FAT3: variants seen among roughly 807,000 people sequenced by gnomAD.
The protein encoded by FAT3 is FAT atypical cadherin 3.
FAT3 carries 95 observed loss-of-function variants against 310.2 expected under a neutral mutation model. The ratio of observed to expected loss-of-function variants is 0.31; its 90% CI spans 0.26 to 0.36. The LOEUF (loss-of-function observed/expected upper bound fraction) is 0.36. FAT3 is among the 10% of genes least tolerant of loss of function. The probability of loss-of-function intolerance (pLI) is 1.00; values close to 1 mark genes in which losing one functional copy is unlikely to be tolerated. For synonymous variants in FAT3, 2,314 were observed against 2,192.9 expected (o/e 1.06, Z -1.54); for missense variants, 5,408 against 5,715.6 (o/e 0.95, Z 1.74).
In FAT3 at chr11:92,790,127, G is replaced by A. The variant is rs1946999727; in HGVS notation, c.4520G>A (p.Arg1507Lys). The change falls in exon 8 of 28, where the codon AGA becomes AAA. Residue 1507 changes from arginine to lysine, a missense_variant. Arg to Lys is a conservative substitution (Grantham distance 26). Around this residue, in one of 5 missense-constraint regions of FAT3, gnomAD observed 4,588 missense variants for 4,809.8 expected, o/e 0.95. Transcript: ENST00000525166. ...AGCAGCATCGACTCCATCAGCATGA[G>A]AAAATTCCGGATTGACCCTAGCACT... ...VHSSIDSISM[R>K]KFRIDPSTGV... 1 of 1,613,668 alleles carries A rather than the reference G, an allele frequency of 6.2e-7. No individual in the cohort carries two copies. Among genetic ancestry groups the A allele is most frequent in the Non-Finnish European group, 8.5e-7 (1 of 1,179,738 alleles).
intron 13 of FAT3, among the ~76,000 whole-genome samples, chr11:92,824,438 A>AT (rs1210162074): frequency 6.6e-6 from 1 of 152,174 alleles, no homozygotes; most frequent in Non-Finnish European, 1.5e-5. Flanking sequence ...GACAAAAGTG[A>AT]TTTTCTAAGT....
chr11:92,795,881 C>T (rs1947157734), intron 9 of FAT3, among the ~76,000 whole-genome samples: 1 of 152,044 alleles, frequency 6.6e-6, no homozygotes, highest in Non-Finnish European at 1.5e-5. Context: ...GCACTCCAGC[C>T]TGGATGACAG....
chr11:92,662,078 C>G (rs1192433870), intron 3 of FAT3, among the ~76,000 whole-genome samples: 1 of 152,036 alleles, frequency 6.6e-6, no homozygotes, highest in African/African-American at 2.4e-5. Flanking sequence ...ATTAACATAC[C>G]AGACCAGACC....
rs2136447626 is a variant in FAT3, at chr11:92,890,862, G to A, written c.13519G>A (p.Gly4507Ser). The part of the protein sequence containing the change: ...HPFPNETDLV[G>S]PPASCEFSTF... The stretch of plus-strand genomic sequence containing the variant: ...ATTCCCCAACGAAACGGATTTGGTG[G>A]GCCCGCCTGCCAGCTGTGAATTTAG... The change falls in exon 28 of 28, where the codon GGC (glycine) becomes AGC (serine). Residue 4507 changes from glycine (G) to serine (S), a missense_variant. Gly to Ser is a moderately conservative substitution (Grantham distance 56). This residue lies in a region of FAT3 where 649 missense variants were observed against 666.2 expected (regional missense o/e 0.97). Transcript: ENST00000525166. The A allele has an allele frequency of 1.2e-6, 2 of 1,613,946 alleles. No individual in the cohort carries two copies. The highest frequency in any genetic ancestry group is 1.1e-5 in the South Asian group (1 of 91,074).
intron 1 of FAT3, among the ~76,000 whole-genome samples, chr11:92,272,806 C>T (rs781234281): frequency 6.6e-6 from 1 of 152,010 alleles, no homozygotes; most frequent in Non-Finnish European, 1.5e-5. Context: ...GGAAGTATTG[C>T]CAAGGAAGCT....
intron 18 of FAT3, among the ~76,000 whole-genome samples, chr11:92,841,265 T>C (rs766988454): frequency 6.6e-6 from 1 of 152,114 alleles, no homozygotes; most frequent in African/African-American, 2.4e-5. Context: ...GTGGCAGGTA[T>C]GCAGAGTATA....
intron 5 of FAT3, among the ~76,000 whole-genome samples, chr11:92,764,102 G>T (rs1946237835): frequency 6.6e-6 from 1 of 151,890 alleles, no homozygotes; most frequent in Non-Finnish European, 1.5e-5. Context: ...TGAGTCCAGG[G>T]TTCACCTGGA....
intron 3 of FAT3, among the ~76,000 whole-genome samples, chr11:92,536,735 TC>T (rs1015677368): frequency 2.4e-4 from 36 of 152,166 alleles, no homozygotes; most frequent in African/African-American, 7.5e-4. Flanking sequence ...AAGATTGTGA[TC>T]ATCTGTTGAT....
chr11:92,749,610 T>C (rs1945774123), intron 4 of FAT3, among the ~76,000 whole-genome samples: 1 of 152,164 alleles, frequency 6.6e-6, no homozygotes, highest in Non-Finnish European at 1.5e-5. Context: ...ATCCTGGGGT[T>C]CTTTGGGACA....
intron 3 of FAT3, among the ~76,000 whole-genome samples, chr11:92,641,695 A>C (rs1190483583): frequency 6.6e-6 from 1 of 152,212 alleles, no homozygotes; most frequent in Admixed American, 6.5e-5. Context: ...CTTTAACCTA[A>C]TTATATCTAC....
chr11:92,542,487 A>G (rs1954484468), intron 3 of FAT3, among the ~76,000 whole-genome samples: 1 of 150,256 alleles, frequency 6.7e-6, no homozygotes, highest in Admixed American at 6.7e-5. Context: ...TTCAACAGCA[A>G]AAAAAAAAGA....
At chr11:92,705,572 G>A (rs879063047) in intron 4 of FAT3, among the ~76,000 whole-genome samples, 7 of 7,852 alleles carry the variant, frequency 8.9e-4, no homozygotes, top group South Asian at 5.3e-3. Flanking sequence ...GGTGGTGGTG[G>A]TGGTGATGGT....
intron 3 of FAT3, among the ~76,000 whole-genome samples, chr11:92,599,705 T>G (rs924349799): frequency 1.3e-5 from 2 of 152,316 alleles, no homozygotes; most frequent in East Asian, 3.9e-4. Context: ...AATAGTTTCA[T>G]CAGTAAAAAT....
At chr11:92,754,627 CAA>C (rs71064722) in intron 4 of FAT3, among the ~76,000 whole-genome samples, 1,051 of 32,696 alleles carry the variant, frequency 0.032, 31 homozygotes, top group Middle Eastern at 0.11. Context: ...GACTCTGCCT[CAA>C]AAAAAAAAAA....
Position 92,805,311 on chromosome 11 carries a change from G to C in FAT3, c.9055G>C (p.Val3019Leu), listed in dbSNP as rs200527898. The C allele has an allele frequency of 1.2e-6, 2 of 1,613,686 alleles. No individual in the cohort carries two copies. Among genetic ancestry groups the C allele is most frequent in the South Asian group, 1.1e-5 (1 of 91,018 alleles). ...FVTQAMVEVS[V>L]SDVNDNSPVC... Reference sequence around the variant, plus strand: ...CACACAGGCCATGGTGGAAGTGAGCGTCAGTGATGTGAATGACAATAGCCC... The same window carrying C: ...CACACAGGCCATGGTGGAAGTGAGCCTCAGTGATGTGAATGACAATAGCCC... The change falls in exon 11 of 28, where the codon GTC becomes CTC. Residue 3019 changes from valine to leucine, a missense_variant. Around this residue, in one of 5 missense-constraint regions of FAT3, gnomAD observed 4,588 missense variants for 4,809.8 expected, o/e 0.95. Transcript: ENST00000525166.
chr11:92,580,565 C>A (rs757792316), intron 3 of FAT3, among the ~76,000 whole-genome samples: 3 of 152,002 alleles, frequency 2.0e-5, no homozygotes, highest in African/African-American at 4.8e-5. Flanking sequence ...ATCTTTAATC[C>A]TTCTCCTTTT....
intron 3 of FAT3, among the ~76,000 whole-genome samples, chr11:92,597,409 C>T (rs759388680): frequency 1.2e-4 from 18 of 152,166 alleles, no homozygotes; most frequent in Non-Finnish European, 2.5e-4. Flanking sequence ...AACCAATGAA[C>T]GGACAGTCAC....
chr11:92,548,160 G>T (rs1360535933), intron 3 of FAT3, among the ~76,000 whole-genome samples: 1 of 152,170 alleles, frequency 6.6e-6, no homozygotes, highest in Non-Finnish European at 1.5e-5. Flanking sequence ...AGATATATCT[G>T]AACTTAATCC....
At position 92,719,044 on chromosome 11, in the gene FAT3, A is replaced by G. The variant is rs142637831; in HGVS notation, c.3669+21599A>G. Among the ~76,000 whole-genome samples, 1,314 of 152,264 alleles carry G rather than the reference A, an allele frequency of 8.6e-3. 31 individuals are homozygous for G. Among genetic ancestry groups the G allele is most frequent in the African/African-American group, 0.03 (1,247 of 41,558 alleles). The stretch of plus-strand genomic sequence containing the variant: ...CTGGATTAGGTTTCTCCAGCTTTCC[A>G]TGGAAATATTTTTACAGTATTAGGT... On this transcript the variant is annotated intron_variant, in intron 4 of 27. Transcript: ENST00000525166.
Sources: allele counts gnomAD v4.1 joint callset (sites outside exome capture counted in the v4.1 genomes callset), GRCh38; gene constraint gnomAD v4.1.1; regional missense constraint gnomAD v4.1.1; transcripts MANE v1.5; gene names NCBI Gene and HGNC (gene_info 2026-07-23, HGNC 2026-07-21).